Variants in ZNF385D observed in about 807,000 individuals in gnomAD.
The protein encoded by ZNF385D is zinc finger protein 385D.
Under a neutral mutation model 35.8 loss-of-function variants are expected in ZNF385D, and 15 were observed. That is an observed-to-expected ratio of 0.42 (90% confidence interval 0.28 to 0.64). ZNF385D has a LOEUF of 0.64. ZNF385D is among the 30% of genes least tolerant of loss of function. The pLI, the probability that ZNF385D is intolerant of heterozygous loss-of-function variation, is 0.23. For synonymous variants in ZNF385D, 212 were observed against 186.8 expected (o/e 1.13, Z -1.10); for missense variants, 474 against 494.6 (o/e 0.96, Z 0.39).
chr3:21,704,977 T>G (rs898336117), intron 1 of ZNF385D, among the ~76,000 whole-genome samples: 1 of 152,196 alleles, frequency 6.6e-6, no homozygotes, highest in Non-Finnish European at 1.5e-5. Flanking sequence ...GTAACCATGG[T>G]AAACTGCAGA....
chr3:22,316,706 G>A (rs1703907868), intron 2 of ZNF385D, among the ~76,000 whole-genome samples: 1 of 152,134 alleles, frequency 6.6e-6, no homozygotes, highest in South Asian at 2.1e-4. Context: ...TTACCATACA[G>A]AGTTATATTG....
At chr3:21,601,173 T>G (rs1231612608) in intron 2 of ZNF385D, among the ~76,000 whole-genome samples, 1 of 152,210 alleles carries the variant, frequency 6.6e-6, no homozygotes, top group Admixed American at 6.5e-5. Flanking sequence ...GAAAACAAGG[T>G]TGAATCCATA....
At chr3:22,090,493 G>C (rs949447856) in intron 3 of ZNF385D, among the ~76,000 whole-genome samples, 4 of 151,886 alleles carry the variant, frequency 2.6e-5, no homozygotes, top group Non-Finnish European at 4.4e-5. Flanking sequence ...GAGTGACCCT[G>C]AGCTCTTACA....
At position 21,991,111 on chromosome 3, in the gene ZNF385D, C is replaced by A. The variant is rs562480895; in HGVS notation, c.325+177706G>T. On this transcript the variant is annotated intron_variant, in intron 3 of 5. Coordinates refer to the ZNF385D transcript ENST00000494108. The stretch of plus-strand genomic sequence containing the variant: ...TTATGAAAATGTAAGTAATCATTTG[C>A]AAAAACTAATTACGGTGAGGGAGAC... Among the ~76,000 whole-genome samples, 23 of 152,210 alleles carry A rather than the reference C, an allele frequency of 1.5e-4. 1 individual carries two copies. The South Asian group carries it at 4.6e-3, about 30-fold the overall frequency.
At chr3:21,579,599 A>G (rs1575236881) in intron 2 of ZNF385D, 1 of 152,096 alleles carries the variant, frequency 6.6e-6, no homozygotes. Context: ...TTTCATATTT[A>G]TTTTTTAATA....
At chr3:21,720,380 C>T (rs184741396) in intron 1 of ZNF385D, among the ~76,000 whole-genome samples, 290 of 152,204 alleles carry the variant, frequency 1.9e-3, no homozygotes, top group African/African-American at 6.8e-3. Flanking sequence ...ATCGTGAGAC[C>T]CTAGTCTCTA....
At chr3:22,340,696 C>G (rs1469920706) in intron 2 of ZNF385D, among the ~76,000 whole-genome samples, 1 of 152,094 alleles carries the variant, frequency 6.6e-6, no homozygotes, top group Non-Finnish European at 1.5e-5. Flanking sequence ...ACAAGAGATA[C>G]AAATACAAGT....
intron 2 of ZNF385D, among the ~76,000 whole-genome samples, chr3:22,172,396 AAT>A (rs1311160579): frequency 6.6e-6 from 1 of 152,252 alleles, no homozygotes; most frequent in Non-Finnish European, 1.5e-5. Context: ...TATATTAAAA[AAT>A]GTATGTGAGT....
chr3:22,278,901 C>T (rs899064309), intron 2 of ZNF385D, among the ~76,000 whole-genome samples: 2 of 152,078 alleles, frequency 1.3e-5, no homozygotes, highest in Non-Finnish European at 2.9e-5. Flanking sequence ...CTAAATGCTA[C>T]CTGCAGTTTT....
chr3:22,339,606 T>C (rs532848666), intron 2 of ZNF385D, among the ~76,000 whole-genome samples: 24 of 152,316 alleles, frequency 1.6e-4, no homozygotes, highest in Middle Eastern at 3.4e-3. Context: ...TGCTCAGAAA[T>C]AAAGTAGTAC....
intron 3 of ZNF385D, among the ~76,000 whole-genome samples, chr3:22,018,166 T>C (rs1310955559): frequency 6.6e-6 from 1 of 151,802 alleles, no homozygotes; most frequent in East Asian, 1.9e-4. Flanking sequence ...ATTCTCTGTG[T>C]TTTAATTTTT....
At chr3:21,961,253 A>G (rs1363252768) in intron 3 of ZNF385D, among the ~76,000 whole-genome samples, 1 of 152,148 alleles carries the variant, frequency 6.6e-6, no homozygotes, top group Non-Finnish European at 1.5e-5. Flanking sequence ...TGGAATATAA[A>G]AAAGGTCTTG....
intron 2 of ZNF385D, among the ~76,000 whole-genome samples, chr3:22,291,019 C>T (rs1702276119): frequency 6.6e-6 from 1 of 152,120 alleles, no homozygotes; most frequent in South Asian, 2.1e-4. Context: ...CAATGAAGGA[C>T]TTACCTTCAA....
chr3:21,860,360 G>T (rs1575793013), intron 3 of ZNF385D, among the ~76,000 whole-genome samples: 1 of 152,066 alleles, frequency 6.6e-6, no homozygotes, highest in South Asian at 2.1e-4. Context: ...CAGTCAAAAA[G>T]ATTTGGTCTC....
At chr3:22,093,275 C>T (rs905106540) in intron 3 of ZNF385D, among the ~76,000 whole-genome samples, 2 of 151,904 alleles carry the variant, frequency 1.3e-5, no homozygotes, top group Non-Finnish European at 2.9e-5. Context: ...ACATCTAAAA[C>T]TTTTAGAAGG....
intron 4 of ZNF385D, among the ~76,000 whole-genome samples, chr3:21,452,934 C>T (rs920632030): frequency 8.6e-5 from 13 of 151,616 alleles, no homozygotes; most frequent in African/African-American, 2.9e-4. Flanking sequence ...TTAGAGGATT[C>T]GAGAATAAAG....
rs766300939 is a variant in ZNF385D, at chr3:21,437,092, G to T, written c.551C>A (p.Ala184Asp). The T allele has an allele frequency of 6.2e-7, 1 of 1,613,962 alleles. No individual in the cohort carries two copies. The highest frequency in any genetic ancestry group is 1.1e-5 in the South Asian group (1 of 91,086). Residue 184 changes from alanine to aspartate, a missense_variant, in exon 5 of 8, where the codon GCC becomes GAC. Physicochemically the swap from Ala to Asp is moderately radical, Grantham distance 126 (BLOSUM62 -2). Transcript: ENST00000281523. ...TSKVEKSPTT[A>D]TGNSSCPSTE... ...AGAAGGACATGAGCTATTGCCAGTG[G>T]CTGTCGTTGGGCTTTTTTCCACTTT...
At chr3:21,915,268 C>G (rs1460021169) in intron 3 of ZNF385D, among the ~76,000 whole-genome samples, 1 of 152,042 alleles carries the variant, frequency 6.6e-6, no homozygotes, top group African/African-American at 2.4e-5. Flanking sequence ...TACAGAACTG[C>G]TGACACTATG....
chr3:22,095,111 GA>G (rs1269907905), intron 3 of ZNF385D, among the ~76,000 whole-genome samples: 2 of 32,382 alleles, frequency 6.2e-5, no homozygotes, highest in Non-Finnish European at 1.2e-4. Context: ...TTTTTGTAGA[GA>G]TGGGGGGTCT....
Sources: gnomAD v4.1 joint callset for allele counts (sites outside exome capture counted in the v4.1 genomes callset) on GRCh38, gnomAD v4.1.1 for gene constraint, MANE v1.5 for transcripts, NCBI Gene and HGNC (gene_info 2026-07-23, HGNC 2026-07-21) for gene names.